Variants in ZNF525 observed in about 807,000 individuals in gnomAD.
ZNF525 encodes zinc finger protein 525.
ZNF525 carries 33 observed loss-of-function variants against 37.6 expected under a neutral mutation model. That is an observed-to-expected ratio of 0.88 (90% CI 0.67 to 1.17). The LOEUF (loss-of-function observed/expected upper bound fraction) is 1.17. Among genes scored for constraint, ZNF525 ranks in the 50% most tolerant of loss-of-function variants. The pLI, the probability that ZNF525 is intolerant of heterozygous loss-of-function variation, is 0.00. For missense variants in ZNF525, 449 were observed against 543.1 expected (o/e 0.83, Z 1.72); for synonymous variants, 170 against 182.3 (o/e 0.93, Z 0.54).
At chr19:53,379,108 T>C (rs945312290) in intron 3 of ZNF525, among the ~76,000 whole-genome samples, 3 of 150,564 alleles carry the variant, frequency 2.0e-5, no homozygotes, top group African/African-American at 5.0e-5. Context: ...TCCGGCACTA[T>C]TAGTCAATTC....
In ZNF525 at chr19:53,385,637, T is replaced by C. The variant is rs906116384; in HGVS notation, c.*3618T>C. 12 of 154,256 alleles carry C rather than the reference T, an allele frequency of 7.8e-5. No homozygotes were observed. Among genetic ancestry groups the C allele is most frequent in the African/African-American group, 2.9e-4 (12 of 41,442 alleles). The allele number at this position is 154,256 out of a possible 1,614,324, so 9.6% of individuals were successfully genotyped here. On this transcript the variant is annotated 3_prime_UTR_variant, in exon 4 of 4. Coordinates refer to ENST00000474037, the MANE Select transcript of ZNF525 (RefSeq NM_001348156.2). ...GGGAGGTCAAGATTGCAGTGAGCTA[T>C]GATCATGCCACTGCACTCCAGCATG... is the stretch of plus-strand genomic sequence containing the variant.
In ZNF525 at chr19:53,385,246, C is replaced by T. The variant is rs933943229; in HGVS notation, c.*3227C>T. 6 of 446,036 alleles carry T rather than the reference C, an allele frequency of 1.3e-5. No individual in the cohort carries two copies. The highest frequency in any genetic ancestry group is 1.2e-4 in the African/African-American group (6 of 49,226). 27.6% of individuals were successfully genotyped at this position (446,036 alleles called of 1,614,324 possible). On this transcript the variant is annotated 3_prime_UTR_variant, in exon 4 of 4. Coordinates refer to ENST00000474037, the MANE Select transcript of ZNF525 (RefSeq NM_001348156.2). ...TTGTGCATGAATTTCACAATTTTTGCACCAAAATAAACTAGTGCTAGTCTG... is the reference window on the plus strand; with the variant it reads ...TTGTGCATGAATTTCACAATTTTTGTACCAAAATAAACTAGTGCTAGTCTG...
chr19:53,366,602 C>G (rs1430182412), intron 1 of ZNF525, among the ~76,000 whole-genome samples: 8 of 148,582 alleles, frequency 5.4e-5, no homozygotes, highest in East Asian at 2.0e-4. Flanking sequence ...TAGAGAAAAG[C>G]TAGATGTACA....
At chr19:53,367,836 G>A (rs2085459080) in intron 1 of ZNF525, among the ~76,000 whole-genome samples, 1 of 152,110 alleles carries the variant, frequency 6.6e-6, no homozygotes, top group African/African-American at 2.4e-5. Flanking sequence ...TCATTTTCAT[G>A]GCTTACTGGG....
Position 53,383,907 on chromosome 19 carries a change from A to T in ZNF525, c.*1888A>T. 1 of 655,442 alleles carries T rather than the reference A, an allele frequency of 1.5e-6. No individual in the cohort carries two copies. Among genetic ancestry groups the T allele is most frequent in the South Asian group, 1.4e-5 (1 of 69,986 alleles). The allele number at this position is 655,442 out of a possible 1,614,324, so 40.6% of individuals were successfully genotyped here. A position where few individuals can be genotyped will look rare whatever the true frequency, so the allele number is the denominator to read the frequency against. On this transcript the variant is annotated 3_prime_UTR_variant, in exon 4 of 4. Coordinates refer to ENST00000474037, the MANE Select transcript of ZNF525 (RefSeq NM_001348156.2). ...ACAGGAGAGAAACCTCACAAGTGTG[A>T]TGATCGTGGCAAAGCCTTTACTTCA...
At position 53,372,038 on chromosome 19, in the gene ZNF525, C is replaced by A. The variant is rs1224956818; in HGVS notation, c.-67-177C>A. Among the ~76,000 whole-genome samples, 3 of 152,080 alleles carry A rather than the reference C, an allele frequency of 2.0e-5. No individual in the cohort carries two copies. The East Asian group carries it at 5.8e-4, about 29-fold the overall frequency. On this transcript the variant is annotated intron_variant, in intron 1 of 3. Transcript: ENST00000474037. ...ACTGCTGCAGCGTGTGTGTAGGCTT[C>A]CCCAGGAGGGGAGTGGGAGTTTTCC...
chr19:53,366,024 T>A (rs968199525), intron 1 of ZNF525, among the ~76,000 whole-genome samples: 2 of 151,942 alleles, frequency 1.3e-5, no homozygotes, highest in Non-Finnish European at 2.9e-5. Flanking sequence ...AACCTTTTTC[T>A]GACTCCTCCC....
chr19:53,377,580 A>G (rs186440592), intron 3 of ZNF525, among the ~76,000 whole-genome samples: 94 of 122,072 alleles, frequency 7.7e-4, no homozygotes, highest in Admixed American at 1.6e-3. Context: ...TTTGAGATGG[A>G]GTCTCGGTCT....
Position 53,381,825 on chromosome 19 carries a change from T to C in ZNF525, c.1246T>C (p.Cys416Arg). ...AGAGAAACCTTACAAGTGTGAAGAA[T>C]GTGATGAAGCTTTCCGTTTCAAATC... is the stretch of plus-strand genomic sequence containing the variant. ...TGEKPYKCEE[C>R]DEAFRFKSSL... The change falls in exon 4 of 4, where the codon TGT (cysteine) becomes CGT (arginine). Residue 416 changes from cysteine (C) to arginine (R), a missense_variant. Around this residue, in one of 2 missense-constraint regions of ZNF525, gnomAD observed 178 missense variants for 161.5 expected, o/e 1.10. Transcript: ENST00000474037. The C allele has an allele frequency of 9.4e-7, 1 of 1,059,078 alleles. No homozygotes were observed. Among genetic ancestry groups the C allele is most frequent in the South Asian group, 1.3e-5 (1 of 79,832 alleles). The allele number at this position is 1,059,078 out of a possible 1,614,324, so 65.6% of individuals were successfully genotyped here. A position where few individuals can be genotyped will look rare whatever the true frequency, so the allele number is the denominator to read the frequency against.
At position 53,383,430 on chromosome 19, in the gene ZNF525, C is replaced by A. The variant is rs1404690880; in HGVS notation, c.*1411C>A. On this transcript the variant is annotated 3_prime_UTR_variant, in exon 4 of 4. Transcript: ENST00000474037. The stretch of plus-strand genomic sequence containing the variant: ...TGAAGAATGTGACAAAGTTTACAGT[C>A]GCAAATCAAACCTCGAAAGACAGGA... The A allele has an allele frequency of 9.5e-7, 1 of 1,048,094 alleles. No individual in the cohort carries two copies. Among genetic ancestry groups the A allele is most frequent in the Non-Finnish European group, 1.4e-6 (1 of 707,616 alleles). 64.9% of individuals were successfully genotyped at this position (1,048,094 alleles called of 1,614,324 possible).
chr19:53,367,026 A>G (rs908269402), intron 1 of ZNF525, among the ~76,000 whole-genome samples: 4 of 152,320 alleles, frequency 2.6e-5, no homozygotes, highest in Middle Eastern at 3.4e-3. Context: ...TTAATCATAT[A>G]ATAGGTCACG....
intron 1 of ZNF525, among the ~76,000 whole-genome samples, chr19:53,369,781 G>T (rs2085473010): frequency 8.4e-6 from 1 of 119,560 alleles, no homozygotes; most frequent in Admixed American, 8.7e-5. Context: ...CTGGAGTGCA[G>T]TGGCGCGATC....
chr19:53,381,855 C>A lies in ZNF525; in HGVS notation c.1276C>A (p.Leu426Ile), dbSNP rs750747585. The stretch of plus-strand genomic sequence containing the variant: ...TGAAGCTTTCCGTTTCAAATCAAGT[C>A]TTGAAAGACATAGGAGAATTCATAA... ...CDEAFRFKSS[L>I]ERHRRIHNGE... The change falls in exon 4 of 4, where the codon CTT (leucine) becomes ATT (isoleucine). Residue 426 changes from leucine (L) to isoleucine (I), a missense_variant. Around this residue, in one of 2 missense-constraint regions of ZNF525, gnomAD observed 178 missense variants for 161.5 expected, o/e 1.10. Coordinates refer to ENST00000474037, the MANE Select transcript of ZNF525 (RefSeq NM_001348156.2). 4 of 1,034,908 alleles carry A rather than the reference C, an allele frequency of 3.9e-6. No individual in the cohort carries two copies. The African/African-American group carries it at 4.7e-5, about 12-fold the overall frequency. The allele number at this position is 1,034,908 out of a possible 1,614,324, so 64.1% of individuals were successfully genotyped here.
rs1429079053 is a variant in ZNF525 at position 53,386,489 on chromosome 19, C to T, written c.*4470C>T. On this transcript the variant is annotated 3_prime_UTR_variant, in exon 4 of 4. Transcript: ENST00000474037. The stretch of plus-strand genomic sequence containing the variant: ...TGTCACCACTATCTGGACAGTTGGA[C>T]ATGTTTTATTGGGAATATGTTTTTT... 1 of 620,316 alleles carries T rather than the reference C, an allele frequency of 1.6e-6. No individual in the cohort carries two copies. Among genetic ancestry groups the T allele is most frequent in the African/African-American group, 1.9e-5 (1 of 53,614 alleles). 38.4% of individuals were successfully genotyped at this position (620,316 alleles called of 1,614,324 possible).
In ZNF525 at chr19:53,385,067, A is replaced by T. The variant is rs1449185877; in HGVS notation, c.*3048A>T. ...ATCTTTCATTCTGTTCTAGTGGTAT[A>T]TAACATTGATTTGCTTGAATATGTT... On this transcript the variant is annotated 3_prime_UTR_variant, in exon 4 of 4. Coordinates refer to ENST00000474037, the MANE Select transcript of ZNF525 (RefSeq NM_001348156.2). 1.5e-6 allele frequency: 1 copy of T among 651,768 alleles called. No individual in the cohort carries two copies. Among genetic ancestry groups the T allele is most frequent in the East Asian group, 2.9e-5 (1 of 35,010 alleles). The allele number at this position is 651,768 out of a possible 1,614,324, so 40.4% of individuals were successfully genotyped here. A position where few individuals can be genotyped will look rare whatever the true frequency, so the allele number is the denominator to read the frequency against.
intron 1 of ZNF525, among the ~76,000 whole-genome samples, chr19:53,368,145 C>T (rs2085461120): frequency 6.6e-6 from 1 of 152,134 alleles, no homozygotes. Context: ...TTCAAGTACA[C>T]AAGCCCTTGT....
At position 53,375,834 on chromosome 19, in the gene ZNF525, C is replaced by A. The variant is rs763517116; in HGVS notation, c.80C>A (p.Pro27His). 1.5e-5 allele frequency: 25 copies of A among 1,613,852 alleles called. No homozygotes were observed. In the African/African-American group the frequency reaches 2.9e-4, roughly 19 times the overall value. The change falls in exon 3 of 4, where the codon CCT (proline) becomes CAT (histidine). Residue 27 changes from proline (P) to histidine (H), a missense_variant. Physicochemically the swap from Pro to His is moderately conservative, Grantham distance 77. This residue lies in a region of ZNF525 where 271 missense variants were observed against 381.6 expected (regional missense o/e 0.71). Transcript: ENST00000474037. ...CAGGAGGAGTGGAAATGCCTGGACC[C>A]TGCTCAGAGGACTCTATACAGGGAC... The part of the protein sequence containing the change: ...FSQEEWKCLD[P>H]AQRTLYRDVM...
intron 3 of ZNF525, among the ~76,000 whole-genome samples, chr19:53,380,046 C>T (rs1042554214): frequency 5.9e-5 from 9 of 152,084 alleles, no homozygotes; most frequent in African/African-American, 2.2e-4. Flanking sequence ...TTACAATATG[C>T]CTTTTCTGCA....
At chr19:53,369,529 C>G (rs2085470463) in intron 1 of ZNF525, among the ~76,000 whole-genome samples, 1 of 147,458 alleles carries the variant, frequency 6.8e-6, no homozygotes, top group African/African-American at 2.6e-5. Context: ...TCCCGGCCAC[C>G]CATGTATTCT....
Sources: allele counts gnomAD v4.1 joint callset (sites outside exome capture counted in the v4.1 genomes callset), GRCh38; gene constraint gnomAD v4.1.1; regional missense constraint gnomAD v4.1.1; transcripts MANE v1.5; gene names NCBI Gene and HGNC (gene_info 2026-07-23, HGNC 2026-07-21).